IFT140: variants seen among roughly 807,000 people sequenced by gnomAD.
The protein encoded by IFT140 is intraflagellar transport 140, also known as intraflagellar transport protein 140 homolog.
A neutral mutation model predicts 164.6 loss-of-function variants in IFT140; 133 were observed. The observed-to-expected ratio is 0.81, with a 90% CI of 0.70 to 0.93. The LOEUF (loss-of-function observed/expected upper bound fraction) is 0.93, where lower values mean the gene tolerates loss of function less well. Ranked by LOEUF, IFT140 falls within the 40% of genes least tolerant of loss-of-function variation. IFT140 has a pLI of 0.00. For synonymous variants in IFT140, 860 were observed against 817.3 expected, an observed-to-expected ratio of 1.05 and a Z score of -0.89; for missense variants, 2,045 against 1,972.3, an observed-to-expected ratio of 1.04 and a Z score of -0.70.
At chr16:1,596,298 GT>G (rs1305496072) in intron 4 of IFT140, among the ~76,000 whole-genome samples, 1 of 151,870 alleles carries the variant, frequency 6.6e-6, no homozygotes, top group African/African-American at 2.4e-5. Context: ...ATTCATTCCT[GT>G]GCCCTTCACA....
At chr16:1,585,795 G>C (rs2034840750) in intron 10 of IFT140, among the ~76,000 whole-genome samples, 1 of 143,422 alleles carries the variant, frequency 7.0e-6, no homozygotes, top group Admixed American at 6.9e-5. Flanking sequence ...TTTTGAGACG[G>C]AGTCTCACTC....
intron 3 of IFT140, among the ~76,000 whole-genome samples, chr16:1,603,363 T>C (rs2035889483): frequency 6.6e-6 from 1 of 152,272 alleles, no homozygotes; most frequent in South Asian, 2.1e-4. Context: ...TTCAGAATAA[T>C]AGTGACAGGT....
At chr16:1,528,370 C>CACAT (rs2029994224) in intron 19 of IFT140, among the ~76,000 whole-genome samples, 1 of 151,614 alleles carries the variant, frequency 6.6e-6, no homozygotes, top group East Asian at 2.0e-4. Context: ...TGCACACACA[C>CACAT]GCATGCACGC....
In IFT140 at chr16:1,589,800, C is replaced by G; in HGVS notation, c.635-20G>C. 1 of 1,603,426 alleles carries G rather than the reference C, an allele frequency of 6.2e-7. No homozygotes were observed. Among genetic ancestry groups the G allele is most frequent in the African/African-American group, 1.3e-5 (1 of 74,884 alleles). ...CTGTCCCTGGGGACAAACGTGGGGT[C>G]ACTACATGAGGAGGCCCTGGTTTAT... On this transcript the variant is annotated intron_variant, in intron 6 of 30. Transcript: ENST00000426508.
intron 17 of IFT140, among the ~76,000 whole-genome samples, chr16:1,563,446 C>CCGTCTCAAAAAAA (rs1567375165): frequency 6.6e-6 from 1 of 150,696 alleles, no homozygotes; most frequent in African/African-American, 2.5e-5. Flanking sequence ...GAGAGAGACT[C>CCGTCTCAAAAAAA]AAAAAACAAA....
intron 4 of IFT140, among the ~76,000 whole-genome samples, chr16:1,601,015 C>A (rs2142025525): frequency 6.6e-6 from 1 of 152,168 alleles, no homozygotes; most frequent in Admixed American, 6.5e-5. Flanking sequence ...GTAATCCCAG[C>A]ACTTTGGGAG....
At chr16:1,582,609 AAAC>A (rs2034631462) in intron 12 of IFT140, among the ~76,000 whole-genome samples, 1 of 152,262 alleles carries the variant, frequency 6.6e-6, no homozygotes, top group African/African-American at 2.4e-5. Flanking sequence ...AGCAGGAAGA[AAAC>A]AATGGCCAAG....
intron 2 of IFT140, among the ~76,000 whole-genome samples, chr16:1,608,081 G>T (rs2036164768): frequency 6.9e-6 from 1 of 145,956 alleles, no homozygotes; most frequent in Non-Finnish European, 1.5e-5. Flanking sequence ...GGTGGTAGAA[G>T]ACAGAAGTCT....
intron 19 of IFT140, chr16:1,541,463 C>G (rs954119515): frequency 1.0e-6 from 1 of 985,314 alleles, no homozygotes; most frequent in Non-Finnish European, 1.2e-6. Flanking sequence ...GACAGCACGC[C>G]TGAGGAGCTG....
chr16:1,582,935 G>C (rs1381967757), intron 12 of IFT140, among the ~76,000 whole-genome samples: 2 of 152,178 alleles, frequency 1.3e-5, no homozygotes, highest in Non-Finnish European at 2.9e-5. Context: ...GACCTAGAAG[G>C]GTGTTTGAGA....
intron 14 of IFT140, among the ~76,000 whole-genome samples, chr16:1,568,602 C>A (rs932351851): frequency 3.9e-5 from 6 of 152,076 alleles, no homozygotes; most frequent in African/African-American, 1.4e-4. Flanking sequence ...CTGTTCTAGG[C>A]CAGGCGTGGT....
chr16:1,524,536 C>T lies in IFT140; in HGVS notation c.3141+16G>A. ...ACCTCGAGAAGCGCCGGCTCCCCAC[C>T]CCGGGCCCGTGGTACCTTGCACAGG... On this transcript the variant is annotated intron_variant, in intron 24 of 30. Coordinates refer to ENST00000426508, the MANE Select transcript of IFT140 (RefSeq NM_014714.4). 6.2e-7 allele frequency: 1 copy of T among 1,611,138 alleles called. No homozygotes were observed. The highest frequency in any genetic ancestry group is 8.5e-7 in the Non-Finnish European group (1 of 1,179,206).
intron 29 of IFT140, among the ~76,000 whole-genome samples, chr16:1,518,593 C>G (rs184792965): frequency 6.6e-6 from 1 of 152,176 alleles, no homozygotes; most frequent in East Asian, 1.9e-4. Flanking sequence ...AGACCAAAGA[C>G]TTCCGACCCC....
At chr16:1,600,840 G>C (rs536669091) in intron 4 of IFT140, among the ~76,000 whole-genome samples, 1 of 151,076 alleles carries the variant, frequency 6.6e-6, no homozygotes, top group Non-Finnish European at 1.5e-5. Context: ...ACTTGAGTGA[G>C]AGTCTATAAA....
chr16:1,526,636 TGGCCAGCACGGCCACGCG>T lies in IFT140; in HGVS notation c.2542_2559del (p.Arg848_Ala853del). ...CCCCTCACCAGCATGCCCAGCTGCG[TGGCCAGCACGGCCACGCG>T]GGCCTCTAGCTCCGGCTCCTGCTCC... On this transcript the variant is annotated inframe_deletion, in exon 20 of 31. Transcript: ENST00000426508. 1 of 1,536,690 alleles carries T rather than the reference TGGCCAGCACGGCCACGCG, an allele frequency of 6.5e-7. No homozygotes were observed. Among genetic ancestry groups the T allele is most frequent in the Non-Finnish European group, 8.7e-7 (1 of 1,147,474 alleles).
At position 1,510,833 on chromosome 16, in the gene IFT140, C is replaced by T. The variant is rs1004204259; in HGVS notation, c.*111G>A. Reference sequence around the variant, plus strand: ...TCTCGCCCAGCTCTGTCGCGTATTCCAACACAGACATGTTTTTTCCCAGCA... The same window carrying T: ...TCTCGCCCAGCTCTGTCGCGTATTCTAACACAGACATGTTTTTTCCCAGCA... On this transcript the variant is annotated 3_prime_UTR_variant, in exon 31 of 31. Coordinates refer to ENST00000426508, the MANE Select transcript of IFT140 (RefSeq NM_014714.4). 9.7e-7 allele frequency: 1 copy of T among 1,030,190 alleles called. No individual in the cohort carries two copies. The highest frequency in any genetic ancestry group is 1.5e-6 in the Non-Finnish European group (1 of 684,892). The allele number at this position is 1,030,190 out of a possible 1,614,324, so 63.8% of individuals were successfully genotyped here.
Position 1,553,252 on chromosome 16 carries a change from C to T in IFT140, c.2399+4683G>A, listed in dbSNP as rs1439557338. 2.0e-6 allele frequency: 2 copies of T among 977,158 alleles called. No homozygotes were observed. The highest frequency in any genetic ancestry group is 3.5e-5 in the African/African-American group (2 of 57,050). The allele number at this position is 977,158 out of a possible 1,614,324, so 60.5% of individuals were successfully genotyped here. On this transcript the variant is annotated intron_variant, in intron 19 of 30. Transcript: ENST00000426508. The surrounding 1 kb of genome is among the most constrained non-coding windows in gnomAD (Gnocchi z 4.4). ...TCTGTCTCTGTGTCTGTCTCTGTCT[C>T]TCTGTATCTCTCTTGGTCTCTGTCT...
intron 4 of IFT140, among the ~76,000 whole-genome samples, chr16:1,602,038 G>T (rs1207480787): frequency 6.6e-6 from 1 of 152,230 alleles, no homozygotes; most frequent in Non-Finnish European, 1.5e-5. Context: ...ACTGGACACT[G>T]CCCCATGTCC....
intron 19 of IFT140, chr16:1,541,434 C>T (rs1018850171): frequency 8.1e-6 from 8 of 985,294 alleles, no homozygotes; most frequent in East Asian, 1.1e-4. Context: ...GCTTGGGGGT[C>T]GGGCAGCTGA....
Sources: allele counts gnomAD v4.1 joint callset (sites outside exome capture counted in the v4.1 genomes callset), GRCh38; gene constraint gnomAD v4.1.1; non-coding constraint Gnocchi (gnomAD v3.1); transcripts MANE v1.5; gene names NCBI Gene and HGNC (gene_info 2026-07-23, HGNC 2026-07-21).